The following GLG1 variants were observed in gnomAD, a reference collection of about 807,000 sequenced individuals.
The protein encoded by GLG1 is Golgi apparatus protein 1.
GLG1 carries 38 observed loss-of-function variants against 160.5 expected under a neutral mutation model. That is an observed-to-expected ratio of 0.24 (90% CI 0.18 to 0.31). GLG1 has a LOEUF of 0.31. Ranked by LOEUF, GLG1 falls within the 10% of genes least tolerant of loss-of-function variation. The pLI is 1.00. For synonymous variants in GLG1, 644 were observed against 543.4 expected (o/e 1.19, Z -2.57); for missense variants, 1,373 against 1,505.2 (o/e 0.91, Z 1.45).
chr16:74,492,805 C>T lies in GLG1; in HGVS notation c.1234+152G>A, dbSNP rs1158416898. ...CTGCCCTCCAGCCTGGGCGACAGAGCGAGAGACTCCGTCTCAAGAAAAAAA... is the reference window on the plus strand; with the variant it reads ...CTGCCCTCCAGCCTGGGCGACAGAGTGAGAGACTCCGTCTCAAGAAAAAAA... On this transcript the variant is annotated intron_variant, in intron 7 of 25. Coordinates refer to ENST00000422840, the MANE Select transcript of GLG1 (RefSeq NM_001145667.2). The T allele has an allele frequency of 8.6e-6, 4 of 465,226 alleles. No homozygotes were observed. The East Asian group carries it at 1.1e-4, about 13-fold the overall frequency. 28.8% of individuals were successfully genotyped at this position (465,226 alleles called of 1,614,324 possible). A position where few individuals can be genotyped will look rare whatever the true frequency, so the allele number is the denominator to read the frequency against.
At chr16:74,604,141 A>G (rs572555630) in intron 1 of GLG1, among the ~76,000 whole-genome samples, 1 of 152,250 alleles carries the variant, frequency 6.6e-6, no homozygotes, top group East Asian at 1.9e-4. Flanking sequence ...GTGAGCTATG[A>G]CTGCACCACT....
At chr16:74,557,877 G>T (rs552742885) in intron 1 of GLG1, among the ~76,000 whole-genome samples, 1 of 152,056 alleles carries the variant, frequency 6.6e-6, no homozygotes, top group Non-Finnish European at 1.5e-5. Context: ...GAGCCACCAG[G>T]CCTGGCCATA....
Position 74,503,511 on chromosome 16 carries a change from G to A in GLG1, c.774+20C>T, listed in dbSNP as rs755548109. 93 of 1,501,248 alleles carry A rather than the reference G, an allele frequency of 6.2e-5. No homozygotes were observed. The highest frequency in any genetic ancestry group is 1.7e-4 in the Middle Eastern group (1 of 5,734). The allele number at this position is 1,501,248 out of a possible 1,614,324, so 93.0% of individuals were successfully genotyped here. ...CAAATTTTAAGACCCCTTTGTTGAA[G>A]CTAACGTAGTATTAGATACCTTTTC... On this transcript the variant is annotated intron_variant, in intron 4 of 25. Transcript: ENST00000422840.
chr16:74,489,610 T>C (rs1197382980), intron 8 of GLG1, among the ~76,000 whole-genome samples: 1 of 152,192 alleles, frequency 6.6e-6, no homozygotes, highest in African/African-American at 2.4e-5. Flanking sequence ...GCACAGAGGT[T>C]TCCCAAGGAA....
At chr16:74,562,877 C>T (rs2018547449) in intron 1 of GLG1, among the ~76,000 whole-genome samples, 1 of 152,158 alleles carries the variant, frequency 6.6e-6, no homozygotes, top group Non-Finnish European at 1.5e-5. Context: ...GAAAACACTG[C>T]CCTTGTTACC....
chr16:74,596,949 T>G (rs572995973), intron 1 of GLG1, among the ~76,000 whole-genome samples: 28 of 151,706 alleles, frequency 1.8e-4, no homozygotes, highest in African/African-American at 2.4e-4. Flanking sequence ...AGACCTCATC[T>G]CTACAAAAAA....
chr16:74,562,764 C>T (rs1361852169), intron 1 of GLG1, among the ~76,000 whole-genome samples: 3 of 152,126 alleles, frequency 2.0e-5, no homozygotes, highest in East Asian at 3.8e-4. Context: ...CATGAGCTAC[C>T]GTGCTGGCAG....
Position 74,453,108 on chromosome 16 carries a change from C to G in GLG1, c.*59G>C. ...GAGCGAGGTGAGTGGGGATGCTATACAAGAGGGCTGTACAAACTGGGCACT... is the reference window on the plus strand; with the variant it reads ...GAGCGAGGTGAGTGGGGATGCTATAGAAGAGGGCTGTACAAACTGGGCACT... On this transcript the variant is annotated 3_prime_UTR_variant, in exon 26 of 26. Coordinates refer to ENST00000422840, the MANE Select transcript of GLG1 (RefSeq NM_001145667.2). 3.2e-6 allele frequency: 5 copies of G among 1,585,942 alleles called. No individual in the cohort carries two copies. Among genetic ancestry groups the G allele is most frequent in the Non-Finnish European group, 4.3e-6 (5 of 1,166,234 alleles).
intron 1 of GLG1, among the ~76,000 whole-genome samples, chr16:74,540,568 G>C (rs912264796): frequency 4.6e-5 from 7 of 151,506 alleles, no homozygotes; most frequent in Non-Finnish European, 8.8e-5. Context: ...GTCTTGCAAT[G>C]ACAAGAGTTT....
intron 1 of GLG1, among the ~76,000 whole-genome samples, chr16:74,573,682 C>G (rs1296228740): frequency 6.7e-6 from 1 of 150,364 alleles, no homozygotes. Flanking sequence ...GGACTACAGT[C>G]GCACACTACT....
chr16:74,603,641 G>GAA (rs200282941), intron 1 of GLG1, among the ~76,000 whole-genome samples: 1 of 142,750 alleles, frequency 7.0e-6, no homozygotes, highest in East Asian at 2.0e-4. Context: ...GACACTAGTG[G>GAA]AAAAAAAAAA....
chr16:74,463,938 G>GT (rs1252190989), intron 19 of GLG1: 1 of 181,164 alleles, frequency 5.5e-6, no homozygotes, highest in African/African-American at 2.4e-5. Context: ...AAATAAATCT[G>GT]TAAGTAGCTG....
At chr16:74,554,088 C>T (rs1284723391) in intron 1 of GLG1, among the ~76,000 whole-genome samples, 1 of 152,160 alleles carries the variant, frequency 6.6e-6, no homozygotes, top group African/African-American at 2.4e-5. Context: ...CCAGGTACAA[C>T]ACAAAATATA....
At chr16:74,469,896 G>GCAGGAGGGCTGCCTAACAT (rs1285299299) in intron 16 of GLG1, 89 bp downstream of exon 16, 17 of 852,036 alleles carry the variant, frequency 2.0e-5, no homozygotes, top group Admixed American at 8.6e-5. Flanking sequence ...CCACGAGGCA[G>GCAGGAGGGCTGCCTAACAT]CAGGAGGGCT....
At chr16:74,477,749 G>A (rs943554900) in intron 11 of GLG1, among the ~76,000 whole-genome samples, 9 of 151,900 alleles carry the variant, frequency 5.9e-5, no homozygotes, top group Admixed American at 1.3e-4. Context: ...CGAGGCGGGC[G>A]GATCACCTGA....
intron 4 of GLG1, among the ~76,000 whole-genome samples, chr16:74,498,579 T>C (rs2016296540): frequency 6.8e-6 from 1 of 146,434 alleles, no homozygotes; most frequent in Non-Finnish European, 1.5e-5. Context: ...AATAAAAAGA[T>C]TCTGGCCAGG....
At chr16:74,497,367 A>C (rs1438778808) in intron 4 of GLG1, among the ~76,000 whole-genome samples, 1 of 151,082 alleles carries the variant, frequency 6.6e-6, no homozygotes, top group Non-Finnish European at 1.5e-5. Context: ...CAAGACTGAA[A>C]TTACACTGCT....
At chr16:74,527,567 G>C (rs1218440984) in intron 2 of GLG1, among the ~76,000 whole-genome samples, 1 of 151,834 alleles carries the variant, frequency 6.6e-6, no homozygotes, top group Non-Finnish European at 1.5e-5. Flanking sequence ...TTATCTTAAA[G>C]CATGAAAGAA....
intron 1 of GLG1, among the ~76,000 whole-genome samples, chr16:74,598,273 G>C (rs568949101): frequency 4.6e-4 from 68 of 146,490 alleles, no homozygotes; most frequent in African/African-American, 1.6e-3. Flanking sequence ...TGTAATCCCA[G>C]CACTTTGGGA....
Sources: allele counts gnomAD v4.1 joint callset (sites outside exome capture counted in the v4.1 genomes callset), GRCh38; gene constraint gnomAD v4.1.1; transcripts MANE v1.5; gene names NCBI Gene and HGNC (gene_info 2026-07-23, HGNC 2026-07-21).